The following CNTN5 variants were observed in gnomAD, a reference collection of about 807,000 sequenced individuals.
The protein encoded by CNTN5 is contactin-5.
CNTN5 carries 77 observed loss-of-function variants against 129.1 expected under a neutral mutation model. The ratio of observed to expected loss-of-function variants is 0.60; its 90% confidence interval spans 0.50 to 0.72. CNTN5 has a LOEUF of 0.72. CNTN5 is among the 30% of genes least tolerant of loss of function. The probability of loss-of-function intolerance (pLI) is 0.00; values close to 1 mark genes in which losing one functional copy is unlikely to be tolerated. For synonymous variants in CNTN5, 509 were observed against 465.6 expected, an observed-to-expected ratio of 1.09 and a Z score of -1.20; for missense variants, 1,478 against 1,328.8, an observed-to-expected ratio of 1.11 and a Z score of -1.75.
At chr11:99,230,660 C>T (rs190701646) in intron 1 of CNTN5, among the ~76,000 whole-genome samples, 46 of 152,140 alleles carry the variant, frequency 3.0e-4, no homozygotes, top group Admixed American at 7.2e-4. Context: ...TAATCTTATA[C>T]GATTTTATTT....
At chr11:100,198,947 A>G (rs1948712647) in intron 15 of CNTN5, among the ~76,000 whole-genome samples, 1 of 151,950 alleles carries the variant, frequency 6.6e-6, no homozygotes, top group Non-Finnish European at 1.5e-5. Flanking sequence ...CTCCTAGTTT[A>G]TCTTCTTCAG....
chr11:99,535,827 G>T lies in CNTN5; in HGVS notation c.-70-20318G>T, dbSNP rs117117024. ...GTAAAAAAATCTTCCAGATGCAGGAGACTTAATTGAATCCACTAAGATGCA... is the reference window on the plus strand; with the variant it reads ...GTAAAAAAATCTTCCAGATGCAGGATACTTAATTGAATCCACTAAGATGCA... On this transcript the variant is annotated intron_variant, in intron 2 of 24. Transcript: ENST00000524871. Among the ~76,000 whole-genome samples the T allele has an allele frequency of 5.0e-3, 760 of 152,174 alleles. 5 individuals are homozygous for T. The highest frequency in any genetic ancestry group is 8.0e-3 in the Non-Finnish European group (541 of 67,976).
chr11:99,259,492 A>C (rs1862532045), intron 1 of CNTN5, among the ~76,000 whole-genome samples: 1 of 151,436 alleles, frequency 6.6e-6, no homozygotes, highest in African/African-American at 2.4e-5. Flanking sequence ...GCTCCAATTC[A>C]CTCCTTTAAA....
chr11:99,705,785 T>C (rs74698046), intron 3 of CNTN5, among the ~76,000 whole-genome samples: 3,964 of 151,434 alleles, frequency 0.026, 166 homozygotes, highest in African/African-American at 0.089. Context: ...TTTTAATTAT[T>C]TTTGAACAGA....
chr11:100,227,056 T>TA (rs979087219), intron 16 of CNTN5, among the ~76,000 whole-genome samples: 2 of 152,082 alleles, frequency 1.3e-5, no homozygotes, highest in Non-Finnish European at 2.9e-5. Flanking sequence ...ATGGGAATAT[T>TA]AAAAACAATT....
intron 3 of CNTN5, among the ~76,000 whole-genome samples, chr11:99,693,711 G>A (rs536146907): frequency 6.6e-6 from 1 of 152,268 alleles, no homozygotes; most frequent in Admixed American, 6.5e-5. Flanking sequence ...CAATATGTCA[G>A]TGGGATTTTG....
At chr11:100,340,737 A>G (rs2139013521) in intron 22 of CNTN5, 88 bp downstream of exon 22, 3 of 1,164,274 alleles carry the variant, frequency 2.6e-6, no homozygotes, top group Admixed American at 2.9e-5. Flanking sequence ...CATAATAAGC[A>G]GAGTCAAAGG....
intron 3 of CNTN5, among the ~76,000 whole-genome samples, chr11:99,777,264 T>G (rs1473440534): frequency 6.6e-6 from 1 of 151,826 alleles, no homozygotes; most frequent in Non-Finnish European, 1.5e-5. Context: ...AATAGCGCAA[T>G]GACATGCTGC....
chr11:100,130,470 T>C (rs567278289), intron 13 of CNTN5, among the ~76,000 whole-genome samples: 2 of 152,266 alleles, frequency 1.3e-5, no homozygotes, highest in African/African-American at 4.8e-5. Flanking sequence ...GGGAACGATA[T>C]GTATAAAAGT....
chr11:99,492,353 T>C (rs1946068623), intron 2 of CNTN5, among the ~76,000 whole-genome samples: 1 of 152,212 alleles, frequency 6.6e-6, no homozygotes, highest in South Asian at 2.1e-4. Context: ...AATCTTCCAA[T>C]CTTGCTTCCT....
intron 8 of CNTN5, among the ~76,000 whole-genome samples, chr11:99,974,151 A>T (rs1249766080): frequency 6.6e-6 from 1 of 152,172 alleles, no homozygotes; most frequent in Non-Finnish European, 1.5e-5. Context: ...CATTTCATAC[A>T]TTCTTTCATT....
At chr11:99,214,424 A>T (rs1023019040) in intron 1 of CNTN5, among the ~76,000 whole-genome samples, 107 of 149,074 alleles carry the variant, frequency 7.2e-4, no homozygotes, top group African/African-American at 2.6e-3. Context: ...TAATGTTCTA[A>T]AGCAGTATAG....
intron 15 of CNTN5, among the ~76,000 whole-genome samples, chr11:100,211,990 G>A (rs1313451150): frequency 1.3e-5 from 2 of 152,002 alleles, no homozygotes; most frequent in Non-Finnish European, 2.9e-5. Flanking sequence ...GCTTTAAAAG[G>A]ATGACTTTCC....
At chr11:100,095,690 C>T (rs1357685898) in intron 13 of CNTN5, among the ~76,000 whole-genome samples, 1 of 152,078 alleles carries the variant, frequency 6.6e-6, no homozygotes, top group Non-Finnish European at 1.5e-5. Flanking sequence ...TTTCCTCAAT[C>T]AGTAATTTAG....
chr11:99,697,073 T>C (rs1354680961), intron 3 of CNTN5, among the ~76,000 whole-genome samples: 1 of 151,836 alleles, frequency 6.6e-6, no homozygotes, highest in Non-Finnish European at 1.5e-5. Context: ...TCCAAAAAAA[T>C]AGTATGAATT....
intron 2 of CNTN5, among the ~76,000 whole-genome samples, chr11:99,426,593 C>A (rs914151458): frequency 6.6e-6 from 1 of 152,174 alleles, no homozygotes; most frequent in Non-Finnish European, 1.5e-5. Context: ...ATCTGACACA[C>A]TGGCACAAAT....
intron 9 of CNTN5, among the ~76,000 whole-genome samples, chr11:100,025,921 G>T (rs572589675): frequency 6.6e-6 from 1 of 152,106 alleles, no homozygotes; most frequent in Non-Finnish European, 1.5e-5. Flanking sequence ...CTTTGGACTT[G>T]GACTTTTGGG....
intron 2 of CNTN5, among the ~76,000 whole-genome samples, chr11:99,386,578 C>T (rs1940939988): frequency 6.6e-6 from 1 of 152,110 alleles, no homozygotes; most frequent in Admixed American, 6.6e-5. Flanking sequence ...TTCTTTAATG[C>T]AACCTGTTTT....
intron 2 of CNTN5, among the ~76,000 whole-genome samples, chr11:99,356,189 C>T (rs1293963547): frequency 4.7e-5 from 3 of 64,476 alleles, no homozygotes; most frequent in Non-Finnish European, 2.8e-5. Flanking sequence ...GCCTTAACCA[C>T]CCCCCCCCAA....
Sources: allele counts gnomAD v4.1 joint callset (sites outside exome capture counted in the v4.1 genomes callset), GRCh38; gene constraint gnomAD v4.1.1; transcripts MANE v1.5; gene names NCBI Gene and HGNC (gene_info 2026-07-23, HGNC 2026-07-21).